PCDHGA1: variants seen among roughly 807,000 people sequenced by gnomAD.
PCDHGA1 encodes protocadherin gamma-A1.
Under a neutral mutation model 58.0 loss-of-function variants are expected in PCDHGA1, and 32 were observed. The ratio of observed to expected loss-of-function variants is 0.55; its 90% confidence interval spans 0.42 to 0.74. The LOEUF is 0.74. Among genes scored for constraint, PCDHGA1 ranks in the 30% least tolerant of loss-of-function variants. The pLI, the probability that PCDHGA1 is intolerant of heterozygous loss-of-function variation, is 0.00. For synonymous variants in PCDHGA1, 498 were observed against 501.1 expected (o/e 0.99, Z 0.08); for missense variants, 1,205 against 1,182.3 (o/e 1.02, Z -0.28).
rs753538822 is a variant in PCDHGA1, at chr5:141,476,676, G to C, written c.2422-18131G>C. 6 of 1,614,222 alleles carry C rather than the reference G, an allele frequency of 3.7e-6. No individual in the cohort carries two copies. Among genetic ancestry groups the C allele is most frequent in the Non-Finnish European group, 4.2e-6 (5 of 1,180,054 alleles). ...TACTTTGCGCTTCGCGTGCAGACGCGGGAGGACAGCACCAAGTACGCGGAG... is the reference window on the plus strand; with the variant it reads ...TACTTTGCGCTTCGCGTGCAGACGCCGGAGGACAGCACCAAGTACGCGGAG... On this transcript the variant is annotated intron_variant, in intron 1 of 3. Transcript: ENST00000517417. The surrounding 1 kb of genome is among the most constrained non-coding windows in gnomAD (Gnocchi z 7.6).
At chr5:141,349,986 C>CT (rs1758385156) in intron 1 of PCDHGA1, 2 of 313,962 alleles carry the variant, frequency 6.4e-6, no homozygotes, top group East Asian at 5.2e-5. Context: ...AGAGGTTGCG[C>CT]TTTGAGGATA....
At chr5:141,415,614 G>A (rs1476229913) in intron 1 of PCDHGA1, 1 of 1,612,128 alleles carries the variant, frequency 6.2e-7, no homozygotes, top group Admixed American at 1.7e-5. Flanking sequence ...TGGTTCCAGT[G>A]AGTTTTATTT....
At chr5:141,381,561 A>G (rs1251342749) in intron 1 of PCDHGA1, among the ~76,000 whole-genome samples, 3 of 152,196 alleles carry the variant, frequency 2.0e-5, no homozygotes, top group Non-Finnish European at 4.4e-5. Flanking sequence ...TGAATTGCAT[A>G]ATGAAAAGAA....
intron 1 of PCDHGA1, chr5:141,392,933 C>A: frequency 6.2e-7 from 1 of 1,613,930 alleles, no homozygotes; most frequent in Non-Finnish European, 8.5e-7. Flanking sequence ...AAGAGACGGA[C>A]AAAGGCTCCT....
intron 1 of PCDHGA1, chr5:141,371,953 T>G: frequency 6.2e-7 from 1 of 1,613,260 alleles, no homozygotes; most frequent in South Asian, 1.1e-5. Context: ...CAGCGAGCCT[T>G]CGACCACGAG....
chr5:141,450,633 C>T (rs751572851), intron 1 of PCDHGA1, among the ~76,000 whole-genome samples: 2 of 149,416 alleles, frequency 1.3e-5, no homozygotes, highest in East Asian at 2.0e-4. Flanking sequence ...ATTACAGATG[C>T]CTGCCACCAT....
intron 1 of PCDHGA1, chr5:141,376,132 A>T: frequency 6.2e-7 from 1 of 1,613,498 alleles, no homozygotes; most frequent in Non-Finnish European, 8.5e-7. Context: ...CCTCCGCCAA[A>T]CCCAACGATT....
intron 1 of PCDHGA1, chr5:141,418,786 TGAA>T: frequency 1.2e-6 from 2 of 1,613,854 alleles, no homozygotes; most frequent in Non-Finnish European, 8.5e-7. Flanking sequence ...CTTTGGATTT[TGAA>T]GAAGTAGAAA....
intron 1 of PCDHGA1, chr5:141,338,884 G>T: frequency 6.8e-7 from 1 of 1,462,968 alleles, no homozygotes; most frequent in Non-Finnish European, 9.0e-7. Context: ...TCCCGTGAAT[G>T]CTGGTTATCT....
At chr5:141,426,726 G>A (rs916323483) in intron 1 of PCDHGA1, 2 of 448,052 alleles carry the variant, frequency 4.5e-6, no homozygotes, top group South Asian at 1.6e-5. Flanking sequence ...AGCAATTCCA[G>A]GCATTCGGTT....
intron 1 of PCDHGA1, among the ~76,000 whole-genome samples, chr5:141,473,132 T>C (rs2099314792): frequency 6.6e-6 from 1 of 152,230 alleles, no homozygotes; most frequent in Non-Finnish European, 1.5e-5. Context: ...TGGCAAACTA[T>C]ATTATCTCTT....
chr5:141,372,084 T>C (rs1169556358), intron 1 of PCDHGA1: 1 of 1,613,714 alleles, frequency 6.2e-7, no homozygotes, highest in South Asian at 1.1e-5. Flanking sequence ...GCTGGTGCTG[T>C]ACCCAGCTCT....
intron 1 of PCDHGA1, chr5:141,351,520 C>A (rs770918784): frequency 6.2e-7 from 1 of 1,614,014 alleles, no homozygotes; most frequent in South Asian, 1.1e-5. Context: ...CAATCATAGC[C>A]ACCGACAAGG....
At chr5:141,481,472 A>G (rs2099538174) in intron 1 of PCDHGA1, among the ~76,000 whole-genome samples, 1 of 152,246 alleles carries the variant, frequency 6.6e-6, no homozygotes, top group Non-Finnish European at 1.5e-5. Context: ...CCATTGGATT[A>G]TACACTTTAA....
At chr5:141,426,507 C>G in intron 1 of PCDHGA1, 1 of 342,512 alleles carries the variant, frequency 2.9e-6, no homozygotes, top group Non-Finnish European at 5.8e-6. Context: ...AGAAACAATA[C>G]TTTACCGTGA....
chr5:141,472,065 G>C lies in PCDHGA1; in HGVS notation c.2422-22742G>C, dbSNP rs115025688. Among the ~76,000 whole-genome samples the C allele has an allele frequency of 1.7e-3, 265 of 152,218 alleles. 1 individual carries two copies. Among genetic ancestry groups the C allele is most frequent in the Middle Eastern group, 3.4e-3 (1 of 294 alleles). On this transcript the variant is annotated intron_variant, in intron 1 of 3. Coordinates refer to ENST00000517417, the MANE Select transcript of PCDHGA1 (RefSeq NM_018912.3). ...GATTTTAAAAATGATTGACATGTCT[G>C]TGGTTATATCAATGAGTACTATTAT...
chr5:141,494,198 C>T (rs1383940298), intron 1 of PCDHGA1, among the ~76,000 whole-genome samples: 8 of 152,158 alleles, frequency 5.3e-5, no homozygotes, highest in African/African-American at 1.7e-4. Context: ...TTGGATGCCC[C>T]GCAAAGGCCC....
intron 1 of PCDHGA1, chr5:141,475,956 G>T (rs2099382674): frequency 2.5e-6 from 2 of 805,186 alleles, no homozygotes; most frequent in South Asian, 1.9e-5. Flanking sequence ...TCTGCGCCCC[G>T]GGATGAGGCA....
At chr5:141,423,852 G>T (rs796757517) in intron 1 of PCDHGA1, 36 of 1,279,400 alleles carry the variant, frequency 2.8e-5, no homozygotes, top group Non-Finnish European at 3.5e-5. Context: ...CTTTCAGAAC[G>T]TTTTTGTGAA....
Sources: gnomAD v4.1 joint callset for allele counts (sites outside exome capture counted in the v4.1 genomes callset) on GRCh38, gnomAD v4.1.1 for gene constraint, Gnocchi (gnomAD v3.1) non-coding constraint, MANE v1.5 for transcripts, NCBI Gene and HGNC (gene_info 2026-07-23, HGNC 2026-07-21) for gene names.